The following PLEKHN1 variants were observed in gnomAD, a reference collection of about 807,000 sequenced individuals.
PLEKHN1 encodes the protein pleckstrin homology domain containing N1, also known as pleckstrin homology domain-containing family N member 1.
Under a neutral mutation model 72.8 loss-of-function variants are expected in PLEKHN1, and 68 were observed. The observed-to-expected ratio is 0.93, with a 90% confidence interval of 0.77 to 1.14. The LOEUF is 1.14. Among genes scored for constraint, PLEKHN1 ranks in the 50% most tolerant of loss-of-function variants. The pLI, the probability that PLEKHN1 is intolerant of heterozygous loss-of-function variation, is 0.00. For synonymous variants in PLEKHN1, 454 were observed against 371.6 expected (o/e 1.22, Z -2.55); for missense variants, 1,015 against 840.5 (o/e 1.21, Z -2.57).
chr1:970,800 C>T lies in PLEKHN1; in HGVS notation c.484+42C>T. On this transcript the variant is annotated intron_variant, in intron 5 of 15. Transcript: ENST00000379410. The surrounding 1 kb of genome is among the most constrained non-coding windows in gnomAD (Gnocchi z 4.2). Reference sequence around the variant, plus strand: ...CCGGGCCCCCAGAGGCACTCCTGACCCAGGACTTGGAGAGGGGCCTGCCCT... The same window carrying T: ...CCGGGCCCCCAGAGGCACTCCTGACTCAGGACTTGGAGAGGGGCCTGCCCT... 6.2e-7 allele frequency: 1 copy of T among 1,612,690 alleles called. No individual in the cohort carries two copies. Among genetic ancestry groups the T allele is most frequent in the East Asian group, 2.2e-5 (1 of 44,876 alleles).
At position 974,315 on chromosome 1, in the gene PLEKHN1, G is replaced by C. The variant is rs775724173; in HGVS notation, c.1654-1G>C. On this transcript the variant is annotated splice_acceptor_variant, in intron 14 of 15. Transcript: ENST00000379410. LOFTEE classifies it high-confidence loss of function. Reference sequence around the variant, plus strand: ...CTCAGACTTGCGGTTTGGGGTTCCAGGTCTCCTCTGCCAGGGAAGGTTCGC... The same window carrying C: ...CTCAGACTTGCGGTTTGGGGTTCCACGTCTCCTCTGCCAGGGAAGGTTCGC... 3 of 1,612,812 alleles carry C rather than the reference G, an allele frequency of 1.9e-6. No individual in the cohort carries two copies. The African/African-American group carries it at 4.0e-5, about 22-fold the overall frequency.
rs750838360 is a variant in PLEKHN1 at position 972,142 on chromosome 1, T to G, written c.857T>G (p.Leu286Arg). The change falls in exon 9 of 16, where the codon CTG becomes CGG. Residue 286 changes from leucine (L) to arginine (R), a missense_variant. By Grantham distance (102) the Leu-to-Arg change is moderately radical (BLOSUM62 -2). Transcript: ENST00000379410. ...EEKEKQIRSFLIEGPLINTIR... is the reference protein window; with the variant it reads ...EEKEKQIRSFRIEGPLINTIR... ...AAGGAGAAGCAGATCCGCTCCTTCC[T>G]GATTGAAGGTAGGGCCCTGACCCTG... The G allele has an allele frequency of 6.2e-7, 1 of 1,612,964 alleles. No individual in the cohort carries two copies. Among genetic ancestry groups the G allele is most frequent in the Non-Finnish European group, 8.5e-7 (1 of 1,179,830 alleles).
At position 975,853 on chromosome 1, in the gene PLEKHN1, G is replaced by C. The variant is rs1267208687; in HGVS notation, c.*1278G>C. On this transcript the variant is annotated 3_prime_UTR_variant, in exon 16 of 16. Coordinates refer to ENST00000379410, the MANE Select transcript of PLEKHN1 (RefSeq NM_032129.3). ...ATAAACAACAACTTCTTAGTAAAAT[G>C]ACCTCCCCACTATTGCCTGTCTGAA... The C allele has an allele frequency of 3.0e-6, 1 of 334,482 alleles. No individual in the cohort carries two copies. Among genetic ancestry groups the C allele is most frequent in the Non-Finnish European group, 5.5e-6 (1 of 182,142 alleles). The allele number at this position is 334,482 out of a possible 1,614,324, so 20.7% of individuals were successfully genotyped here.
rs769741240 is a variant in PLEKHN1, at chr1:973,093, G to T, written c.1152+83G>T. ...TGTTGGGGACCCTGGTTCCTCAGGGGAACTCAGACTGGAGGGAGCCCCTTG... is the reference window on the plus strand; with the variant it reads ...TGTTGGGGACCCTGGTTCCTCAGGGTAACTCAGACTGGAGGGAGCCCCTTG... On this transcript the variant is annotated intron_variant, in intron 11 of 15. Transcript: ENST00000379410. The T allele has an allele frequency of 2.9e-5, 44 of 1,515,992 alleles. No individual in the cohort carries two copies. In the African/African-American group the frequency reaches 3.9e-4, roughly 13 times the overall value. 93.9% of individuals were successfully genotyped at this position (1,515,992 alleles called of 1,614,324 possible). A position where few individuals can be genotyped will look rare whatever the true frequency, so the allele number is the denominator to read the frequency against.
In PLEKHN1 at chr1:974,581, G is replaced by A. The variant is rs377538586; in HGVS notation, c.*6G>A. On this transcript the variant is annotated 3_prime_UTR_variant, in exon 16 of 16. Transcript: ENST00000379410. ...GGCTTGTGCAGTGGATCTGATGGCC[G>A]CGGTGAGGTGGGTTCTCAGGACCAC... The A allele has an allele frequency of 1.6e-4, 260 of 1,607,808 alleles. No individual in the cohort carries two copies. The highest frequency in any genetic ancestry group is 6.3e-4 in the South Asian group (57 of 90,450).
At chr1:966,855 G>A (rs1283193586) in intron 2 of PLEKHN1, 52 bp downstream of exon 2, 5 of 1,504,408 alleles carry the variant, frequency 3.3e-6, no homozygotes, top group East Asian at 2.5e-5. Flanking sequence ...CTCTGCCCGC[G>A]CGTGTGTGCC....
At position 971,360 on chromosome 1, in the gene PLEKHN1, T is replaced by C. The variant is rs748711302; in HGVS notation, c.745T>C (p.Ser249Pro). The stretch of plus-strand genomic sequence containing the variant: ...CCGGCTCTTGGTCCTGTACCCAACG[T>C]CCTTGGCCATTTTCTCCGAGGAGCT... ...WDRLLVLYPTSLAIFSEELDG... is the reference protein window; with the variant it reads ...WDRLLVLYPTPLAIFSEELDG... Residue 249 changes from serine to proline, a missense_variant, in exon 8 of 16, where the codon TCC becomes CCC. By Grantham distance (74) the Ser-to-Pro change is moderately conservative (BLOSUM62 -1). Coordinates refer to ENST00000379410, the MANE Select transcript of PLEKHN1 (RefSeq NM_032129.3). 3 of 1,591,040 alleles carry C rather than the reference T, an allele frequency of 1.9e-6. No homozygotes were observed. The highest frequency in any genetic ancestry group is 2.6e-6 in the Non-Finnish European group (3 of 1,170,026).
Position 973,509 on chromosome 1 carries a change from C to G in PLEKHN1, c.1303C>G (p.Leu435Val), listed in dbSNP as rs370022764. The change falls in exon 13 of 16, where the codon CTG (leucine) becomes GTG (valine). Residue 435 changes from leucine to valine, a missense_variant. Physicochemically the swap from Leu to Val is conservative, Grantham distance 32 (BLOSUM62 1). Coordinates refer to ENST00000379410, the MANE Select transcript of PLEKHN1 (RefSeq NM_032129.3). Reference protein sequence around the residue: ...LHLDLTQLHRLSLESSPDAPD... With the variant: ...LHLDLTQLHRVSLESSPDAPD... ...CACCTCTGCCCTGCAGCTGCACAGG[C>G]TGAGCCTGGAGAGCAGCCCAGATGC... 56 of 1,612,898 alleles carry G rather than the reference C, an allele frequency of 3.5e-5. No individual in the cohort carries two copies. Among genetic ancestry groups the G allele is most frequent in the African/African-American group, 6.7e-5 (5 of 74,934 alleles).
chr1:969,103 G>A (rs539193588), intron 2 of PLEKHN1, among the ~76,000 whole-genome samples: 14 of 152,218 alleles, frequency 9.2e-5, no homozygotes, highest in Non-Finnish European at 1.9e-4. Context: ...GTTTTTTGTA[G>A]AACCAGGTGT....
Position 974,906 on chromosome 1 carries a change from G to A in PLEKHN1, c.*331G>A, listed in dbSNP as rs553895641. 4.1e-5 allele frequency: 15 copies of A among 362,980 alleles called. No homozygotes were observed. The highest frequency in any genetic ancestry group is 1.3e-4 in the Admixed American group (3 of 23,494). 22.5% of individuals were successfully genotyped at this position (362,980 alleles called of 1,614,324 possible). A position where few individuals can be genotyped will look rare whatever the true frequency, so the allele number is the denominator to read the frequency against. On this transcript the variant is annotated 3_prime_UTR_variant, in exon 16 of 16. Transcript: ENST00000379410. ...CTCGCTGGGAGTGGGAGGGCAGCAC[G>A]GGCGTGAAGGTCGGAGGACAGAGAA...
intron 14 of PLEKHN1, 47 bp downstream of exon 14, chr1:974,098 C>A: frequency 6.5e-7 from 1 of 1,533,512 alleles, no homozygotes; most frequent in South Asian, 1.2e-5. Flanking sequence ...CCGGGCTGGC[C>A]GGGGGTCTGG....
At chr1:973,386 C>T (rs1351530656) in intron 12 of PLEKHN1, 60 bp downstream of exon 12, 3 of 1,558,686 alleles carry the variant, frequency 1.9e-6, no homozygotes, top group Non-Finnish European at 2.6e-6. Context: ...CACCACTGGT[C>T]TCTGTCTCTG....
Position 974,451 on chromosome 1 carries a change from C to G in PLEKHN1, c.1712C>G (p.Ser571Cys), listed in dbSNP as rs748442178. 6.2e-7 allele frequency: 1 copy of G among 1,612,832 alleles called. No individual in the cohort carries two copies. The highest frequency in any genetic ancestry group is 8.5e-7 in the Non-Finnish European group (1 of 1,179,940). ...CTGCCTTCCCTACCAGATGGTCGGT[C>G]CCCCAGGAGGAGCCGGGACCCCGGC... Reference protein sequence around the residue: ...EPWLPLTDGRSPRRSRDPGYD... With the variant: ...EPWLPLTDGRCPRRSRDPGYD... The change falls in exon 16 of 16, where the codon TCC (serine) becomes TGC (cysteine). Residue 571 changes from serine to cysteine, a missense_variant. Coordinates refer to ENST00000379410, the MANE Select transcript of PLEKHN1 (RefSeq NM_032129.3).
At chr1:968,184 G>A (rs532241873) in intron 2 of PLEKHN1, among the ~76,000 whole-genome samples, 4 of 152,234 alleles carry the variant, frequency 2.6e-5, no homozygotes, top group African/African-American at 7.2e-5. Flanking sequence ...GGTACAGGAG[G>A]CCCCACCCAG....
Position 970,163 on chromosome 1 carries a change from G to A in PLEKHN1, c.184-114G>A. The A allele has an allele frequency of 8.5e-7, 1 of 1,173,382 alleles. No homozygotes were observed. Among genetic ancestry groups the A allele is most frequent in the Non-Finnish European group, 1.2e-6 (1 of 836,850 alleles). 72.7% of individuals were successfully genotyped at this position (1,173,382 alleles called of 1,614,324 possible). ...GTGGGGGGCTGTTCTTCACATATGT[G>A]TTGTGTGGCTATGCACAGGCAGACC... On this transcript the variant is annotated intron_variant, in intron 2 of 15. Transcript: ENST00000379410. The surrounding 1 kb of genome is among the most constrained non-coding windows in gnomAD (Gnocchi z 4.2).
rs764766200 is a variant in PLEKHN1, at chr1:966,815, G to A, written c.183+12G>A. ...ACATCCCGGGCACGGTGAGCGCGGCGTGCACGGTGGCTGTGGTCTGGGAGC... is the reference window on the plus strand; with the variant it reads ...ACATCCCGGGCACGGTGAGCGCGGCATGCACGGTGGCTGTGGTCTGGGAGC... On this transcript the variant is annotated intron_variant, in intron 2 of 15. Coordinates refer to ENST00000379410, the MANE Select transcript of PLEKHN1 (RefSeq NM_032129.3). 1.3e-5 allele frequency: 20 copies of A among 1,547,876 alleles called. No homozygotes were observed. The highest frequency in any genetic ancestry group is 7.1e-5 in the South Asian group (6 of 84,140).
At chr1:972,655 C>G (rs1643401261) in intron 10 of PLEKHN1, among the ~76,000 whole-genome samples, 1 of 152,220 alleles carries the variant, frequency 6.6e-6, no homozygotes, top group Non-Finnish European at 1.5e-5. Context: ...GTAACCCCAG[C>G]TACTCAGGAG....
Position 970,460 on chromosome 1 carries a change from A to G in PLEKHN1, c.330+37A>G. On this transcript the variant is annotated intron_variant, in intron 3 of 15. Transcript: ENST00000379410. This position sits in a 1 kb window ranked among gnomAD's most constrained non-coding sequence, Gnocchi z 4.2. ...GCTGGGTGGAGCACGCTAAGGGTGC[A>G]GCATCCCCATCAGCCTGGGGCTCCC... is the stretch of plus-strand genomic sequence containing the variant. The G allele has an allele frequency of 6.2e-7, 1 of 1,613,080 alleles. No homozygotes were observed.
intron 12 of PLEKHN1, 28 bp downstream of exon 12, chr1:973,354 T>G: frequency 6.4e-7 from 1 of 1,555,652 alleles, no homozygotes; most frequent in African/African-American, 1.4e-5. Flanking sequence ...ACACAGCCCC[T>G]GGCCTGGTTC....
Sources: allele counts gnomAD v4.1 joint callset (sites outside exome capture counted in the v4.1 genomes callset), GRCh38; gene constraint gnomAD v4.1.1; non-coding constraint Gnocchi (gnomAD v3.1); transcripts MANE v1.5; gene names NCBI Gene and HGNC (gene_info 2026-07-23, HGNC 2026-07-21).